GIMAP8: variants seen among roughly 807,000 people sequenced by gnomAD.
GIMAP8 encodes GTPase, IMAP family member 8, also known as GTPase IMAP family member 8.
GIMAP8 carries 29 observed loss-of-function variants against 35.6 expected under a neutral mutation model. The observed-to-expected ratio is 0.81, with a 90% CI of 0.61 to 1.11. The LOEUF is 1.11. Among genes scored for constraint, GIMAP8 ranks in the 50% most tolerant of loss-of-function variants. The pLI is 0.00. For missense variants in GIMAP8, 811 were observed against 805.0 expected (o/e 1.01, Z -0.09); for synonymous variants, 335 against 308.7 (o/e 1.09, Z -0.89).
rs571846539 is a variant in GIMAP8, at chr7:150,459,895, C to T, written c.-28-6776C>T. Among the ~76,000 whole-genome samples, 19 of 152,290 alleles carry T rather than the reference C, an allele frequency of 1.2e-4. No individual in the cohort carries two copies. The South Asian group carries it at 1.7e-3, about 13-fold the overall frequency. The stretch of plus-strand genomic sequence containing the variant: ...GCATTGTGTGCAGGGAAGGCAAATC[C>T]GTATTCAGAGTAAGTGTCTATTTTG... On this transcript the variant is annotated intron_variant, in intron 1 of 4. Coordinates refer to ENST00000307271, the MANE Select transcript of GIMAP8 (RefSeq NM_175571.4).
intron 1 of GIMAP8, among the ~76,000 whole-genome samples, chr7:150,464,052 G>A (rs1286355657): frequency 6.6e-6 from 1 of 152,178 alleles, no homozygotes; most frequent in Non-Finnish European, 1.5e-5. Context: ...AGGTGTCAAT[G>A]GCAGCAGTGA....
rs1801606355 is a variant in GIMAP8, at chr7:150,451,471, A to G, written c.-29+296A>G. ...AGCGTGTCTCCCCAGCCTGCTGGGG[A>G]GTAGATTCGGCAGGATGGGGACAGA... is the stretch of plus-strand genomic sequence containing the variant. On this transcript the variant is annotated intron_variant, in intron 1 of 4. Coordinates refer to ENST00000307271, the MANE Select transcript of GIMAP8 (RefSeq NM_175571.4). The surrounding 1 kb of genome is among the most constrained non-coding windows in gnomAD (Gnocchi z 4.1). 6.6e-6 allele frequency among the ~76,000 whole-genome samples: 1 copy of G among 152,062 alleles called. No individual in the cohort carries two copies.
intron 3 of GIMAP8, 80 bp downstream of exon 3, chr7:150,470,954 A>T: frequency 9.1e-7 from 1 of 1,097,012 alleles, no homozygotes; most frequent in Non-Finnish European, 1.4e-6. Context: ...AAGCGGAAAC[A>T]TTATCCATAT....
chr7:150,464,681 T>C (rs1385713460), intron 1 of GIMAP8, among the ~76,000 whole-genome samples: 2 of 152,130 alleles, frequency 1.3e-5, no homozygotes, highest in Non-Finnish European at 2.9e-5. Context: ...AGACCTTGTC[T>C]CTAAAACAGA....
At position 150,477,711 on chromosome 7, in the gene GIMAP8, A is replaced by G. The variant is rs1291022919; in HGVS notation, c.1929A>G (p.Leu643=). 3.1e-6 allele frequency: 5 copies of G among 1,614,058 alleles called. No homozygotes were observed. The Admixed American group carries it at 8.3e-5, about 27-fold the overall frequency. ...YPHTQENVSK[L]IKNVQEMSQA... ...ATACACAGGAGAACGTCAGCAAACT[A>G]ATTAAAAATGTCCAGGAAATGTCCC... Residue 643 remains leucine (L), a synonymous_variant, in exon 5 of 5, where the codon CTA becomes CTG. Coordinates refer to ENST00000307271, the MANE Select transcript of GIMAP8 (RefSeq NM_175571.4).
chr7:150,457,736 T>C (rs918151368), intron 1 of GIMAP8, among the ~76,000 whole-genome samples: 3 of 152,170 alleles, frequency 2.0e-5, no homozygotes, highest in Admixed American at 2.0e-4. Context: ...AAACGTAAAC[T>C]CTGACAGCTG....
chr7:150,468,079 C>T (rs1180078144), intron 2 of GIMAP8, among the ~76,000 whole-genome samples: 2 of 152,216 alleles, frequency 1.3e-5, no homozygotes, highest in Non-Finnish European at 2.9e-5. Context: ...GGTAGCTCCC[C>T]TTGGAGAGCC....
chr7:150,474,246 T>A lies in GIMAP8; in HGVS notation c.917T>A (p.Ile306Asn). The A allele has an allele frequency of 6.2e-7, 1 of 1,614,172 alleles. No individual in the cohort carries two copies. Residue 306 changes from isoleucine (I) to asparagine (N), a missense_variant, in exon 4 of 5, where the codon ATC (isoleucine) becomes AAC (asparagine). By Grantham distance (149) the Ile-to-Asn change is moderately radical (BLOSUM62 -3). Coordinates refer to ENST00000307271, the MANE Select transcript of GIMAP8 (RefSeq NM_175571.4). ...GTTTCGATCATTGATGCTCCGGACA[T>A]CTCATCTTTAAAGAACATTGACTCA... ...KKVSIIDAPD[I>N]SSLKNIDSEV...
intron 3 of GIMAP8, among the ~76,000 whole-genome samples, chr7:150,471,844 A>G (rs1802100325): frequency 6.6e-6 from 1 of 152,100 alleles, no homozygotes; most frequent in Admixed American, 6.6e-5. Flanking sequence ...CTCAAAAAAA[A>G]AAAAAATTGC....
intron 1 of GIMAP8, among the ~76,000 whole-genome samples, chr7:150,454,232 C>A (rs1019992538): frequency 1.3e-5 from 2 of 149,606 alleles, no homozygotes; most frequent in Non-Finnish European, 3.0e-5. Flanking sequence ...AAGGCTTTGC[C>A]TTTTACTTTG....
At chr7:150,464,996 G>A (rs938556518) in intron 1 of GIMAP8, among the ~76,000 whole-genome samples, 18 of 152,124 alleles carry the variant, frequency 1.2e-4, no homozygotes, top group Admixed American at 4.6e-4. Flanking sequence ...CTCCTCCCTG[G>A]ACTCCCACAA....
chr7:150,460,675 T>TCATTGTAATTG (rs1459302296), intron 1 of GIMAP8, among the ~76,000 whole-genome samples: 1 of 152,188 alleles, frequency 6.6e-6, no homozygotes, highest in Admixed American at 6.5e-5. Context: ...CTCTGTCAAT[T>TCATTGTAATTG]CATTGTAGGA....
At chr7:150,454,983 A>G (rs1801695674) in intron 1 of GIMAP8, among the ~76,000 whole-genome samples, 1 of 152,114 alleles carries the variant, frequency 6.6e-6, no homozygotes, top group Admixed American at 6.6e-5. Flanking sequence ...CATTAAAAAT[A>G]CAAAATTAGC....
chr7:150,465,151 A>G (rs758318499), intron 1 of GIMAP8, among the ~76,000 whole-genome samples: 13 of 152,222 alleles, frequency 8.5e-5, no homozygotes, highest in Non-Finnish European at 1.9e-4. Flanking sequence ...CAAGGGGCAG[A>G]GACACTAGAA....
At chr7:150,467,698 C>T (rs535138519) in intron 2 of GIMAP8, among the ~76,000 whole-genome samples, 1 of 152,252 alleles carries the variant, frequency 6.6e-6, no homozygotes, top group South Asian at 2.1e-4. Flanking sequence ...TTCCAAAGAT[C>T]GCTGAGTCCT....
At chr7:150,461,193 G>T (rs565892541) in intron 1 of GIMAP8, among the ~76,000 whole-genome samples, 6 of 152,346 alleles carry the variant, frequency 3.9e-5, no homozygotes, top group Admixed American at 3.9e-4. Flanking sequence ...TAAGAAGAAA[G>T]TGCATTGTGT....
At chr7:150,470,994 C>A in intron 3 of GIMAP8, 120 bp downstream of exon 3, 1 of 766,146 alleles carries the variant, frequency 1.3e-6, no homozygotes, top group South Asian at 1.5e-5. Flanking sequence ...GGGGACCTAG[C>A]TGAGGTTGGT....
intron 3 of GIMAP8, among the ~76,000 whole-genome samples, chr7:150,473,759 C>A (rs1033864509): frequency 6.6e-6 from 1 of 151,754 alleles, no homozygotes; most frequent in African/African-American, 2.4e-5. Flanking sequence ...GGACCTAGAC[C>A]AACGAAGGCC....
In GIMAP8 at chr7:150,454,240, T is replaced by C. The variant is rs144283193; in HGVS notation, c.-29+3065T>C. On this transcript the variant is annotated intron_variant, in intron 1 of 4. Coordinates refer to ENST00000307271, the MANE Select transcript of GIMAP8 (RefSeq NM_175571.4). ...CACTATAAAGGCTTTGCCTTTTACTTTGAATGGGTGGAGAGTCACTGGGGG... is the reference window on the plus strand; with the variant it reads ...CACTATAAAGGCTTTGCCTTTTACTCTGAATGGGTGGAGAGTCACTGGGGG... 6.4e-3 allele frequency among the ~76,000 whole-genome samples: 958 copies of C among 149,714 alleles called. 10 individuals carry two copies. Among genetic ancestry groups the C allele is most frequent in the African/African-American group, 0.022 (900 of 40,708 alleles).
Sources: gnomAD v4.1 joint callset for allele counts (sites outside exome capture counted in the v4.1 genomes callset) on GRCh38, gnomAD v4.1.1 for gene constraint, Gnocchi (gnomAD v3.1) non-coding constraint, MANE v1.5 for transcripts, NCBI Gene and HGNC (gene_info 2026-07-23, HGNC 2026-07-21) for gene names.